The following CDH13 variants were observed in gnomAD, a reference collection of about 807,000 sequenced individuals.
The protein encoded by CDH13 is cadherin-13.
CDH13 carries 24 observed loss-of-function variants against 63.8 expected under a neutral mutation model. The observed-to-expected ratio is 0.38, with a 90% CI of 0.27 to 0.53. CDH13 has a LOEUF of 0.53. Among genes scored for constraint, CDH13 ranks in the 20% least tolerant of loss-of-function variants. CDH13 has a pLI of 0.85. For missense variants in CDH13, 1,049 were observed against 903.1 expected, an observed-to-expected ratio of 1.16 and a Z score of -2.07; for synonymous variants, 503 against 355.3, an observed-to-expected ratio of 1.42 and a Z score of -4.67.
intron 10 of CDH13, among the ~76,000 whole-genome samples, chr16:83,711,407 A>G (rs939759993): frequency 6.6e-6 from 1 of 152,130 alleles, no homozygotes; most frequent in Non-Finnish European, 1.5e-5. Context: ...ATCTTAGTGT[A>G]ATCAGTCAAT....
intron 1 of CDH13, among the ~76,000 whole-genome samples, chr16:82,782,367 C>T (rs1187284183): frequency 6.6e-6 from 1 of 152,128 alleles, no homozygotes; most frequent in Non-Finnish European, 1.5e-5. Flanking sequence ...GGAGACCAGC[C>T]TGGCCAACAT....
At chr16:82,964,931 A>G (rs1326218227) in intron 2 of CDH13, among the ~76,000 whole-genome samples, 1 of 152,206 alleles carries the variant, frequency 6.6e-6, no homozygotes, top group Non-Finnish European at 1.5e-5. Flanking sequence ...AGGGGCCAGA[A>G]GTCCTTCTTG....
chr16:83,032,199 A>T lies in CDH13; in HGVS notation c.347A>T (p.Asp116Val). 6.2e-7 allele frequency: 1 copy of T among 1,613,560 alleles called. No individual in the cohort carries two copies. Among genetic ancestry groups the T allele is most frequent in the African/African-American group, 1.3e-5 (1 of 75,046 alleles). Residue 116 changes from aspartate (D) to valine (V), a missense_variant, in exon 3 of 14, where the codon GAC becomes GTC. Asp to Val is a radical substitution (Grantham distance 152, BLOSUM62 -3). Coordinates refer to ENST00000567109, the MANE Select transcript of CDH13 (RefSeq NM_001257.5). The stretch of plus-strand genomic sequence containing the variant: ...GAACTCGTGATTGTCGGGGGGAAAG[A>T]CATCCAGGGCTCCTTGCAGGTAACA... ...MAELVIVGGK[D>V]IQGSLQDIFK... is the part of the protein sequence containing the mutation.
intron 1 of CDH13, among the ~76,000 whole-genome samples, chr16:82,718,373 C>G (rs2032530801): frequency 6.6e-6 from 1 of 152,136 alleles, no homozygotes; most frequent in Admixed American, 6.5e-5. Flanking sequence ...ATGGGATTCA[C>G]CGCTGACAGC....
rs1904305877 is a variant in CDH13, at chr16:83,799,767, T to C, written c.*4737T>C. On this transcript the variant is annotated 3_prime_UTR_variant, in exon 14 of 14. Coordinates refer to ENST00000567109, the MANE Select transcript of CDH13 (RefSeq NM_001257.5). ...CTAACACAATTAACAATTCTTTTACTATATGCAATGTGTTACCCTTACTAT... is the reference window on the plus strand; with the variant it reads ...CTAACACAATTAACAATTCTTTTACCATATGCAATGTGTTACCCTTACTAT... 6.6e-6 allele frequency: 1 copy of C among 152,238 alleles called. No homozygotes were observed. The highest frequency in any genetic ancestry group is 6.5e-5 in the Admixed American group (1 of 15,290). The allele number at this position is 152,238 out of a possible 1,614,324, so 9.4% of individuals were successfully genotyped here. A position where few individuals can be genotyped will look rare whatever the true frequency, so the allele number is the denominator to read the frequency against.
At chr16:82,710,552 A>AAATATATATATATATATATAT (rs60196638) in intron 1 of CDH13, among the ~76,000 whole-genome samples, 3 of 63,774 alleles carry the variant, frequency 4.7e-5, no homozygotes, top group Non-Finnish European at 9.0e-5. Context: ...AAAAAAAAAA[A>AAATATATATATATATATATAT]ATATATATAT....
At chr16:82,904,803 C>T (rs2041588871) in intron 2 of CDH13, among the ~76,000 whole-genome samples, 1 of 152,150 alleles carries the variant, frequency 6.6e-6, no homozygotes, top group South Asian at 2.1e-4. Flanking sequence ...GACTAGCAGA[C>T]CATTACTCCA....
At chr16:83,676,466 C>T (rs1914963555) in intron 9 of CDH13, among the ~76,000 whole-genome samples, 2 of 152,208 alleles carry the variant, frequency 1.3e-5, no homozygotes, top group African/African-American at 4.8e-5. Context: ...ATTTTCCAAG[C>T]ATGGCAGCTC....
chr16:83,328,202 T>C (rs1259234570), intron 5 of CDH13, among the ~76,000 whole-genome samples: 1 of 151,684 alleles, frequency 6.6e-6, no homozygotes. Context: ...TGAGCTAGGG[T>C]TGTAAGAATG....
At chr16:82,955,609 C>T (rs561293903) in intron 2 of CDH13, among the ~76,000 whole-genome samples, 2 of 152,118 alleles carry the variant, frequency 1.3e-5, no homozygotes, top group Admixed American at 6.5e-5. Context: ...TTATTTGGCA[C>T]CTACTGTGAA....
chr16:82,973,959 G>A (rs1909139792), intron 2 of CDH13, among the ~76,000 whole-genome samples: 1 of 152,008 alleles, frequency 6.6e-6, no homozygotes, highest in South Asian at 2.1e-4. Flanking sequence ...GTTACCCACT[G>A]TTGTCCAGGC....
chr16:83,426,918 T>C (rs2071924920), intron 6 of CDH13, among the ~76,000 whole-genome samples: 3 of 87,884 alleles, frequency 3.4e-5, no homozygotes, highest in African/African-American at 9.1e-5. Flanking sequence ...TTTTTTTTTT[T>C]TTTTTTTTTT....
chr16:82,844,947 A>G (rs1033116204), intron 1 of CDH13, among the ~76,000 whole-genome samples: 1 of 151,886 alleles, frequency 6.6e-6, no homozygotes, highest in Non-Finnish European at 1.5e-5. Context: ...GAGGCACCGC[A>G]CCTGGCCAAT....
rs188515922 is a variant in CDH13, at chr16:83,104,106, G to A, written c.367-21279G>A. ...TTTTAAAGAAGAATGAGTATTACAC[G>A]ACCATTGAATATTTATAACACTCTC... On this transcript the variant is annotated intron_variant, in intron 3 of 13. Transcript: ENST00000567109. Among the ~76,000 whole-genome samples the A allele has an allele frequency of 2.6e-5, 4 of 152,242 alleles. No individual in the cohort carries two copies. In the East Asian group the frequency reaches 5.8e-4, roughly 22 times the overall value.
At chr16:83,174,595 C>T (rs567447871) in intron 4 of CDH13, among the ~76,000 whole-genome samples, 4 of 152,038 alleles carry the variant, frequency 2.6e-5, no homozygotes, top group African/African-American at 7.2e-5. Flanking sequence ...TAGCCACTAG[C>T]CACCTGTGGT....
At chr16:83,702,635 G>A (rs775434241) in intron 10 of CDH13, among the ~76,000 whole-genome samples, 2 of 152,214 alleles carry the variant, frequency 1.3e-5, no homozygotes, top group Non-Finnish European at 2.9e-5. Flanking sequence ...CCACAGGAGT[G>A]CTTCTCATCT....
At chr16:83,457,506 C>G (rs1040558840) in intron 6 of CDH13, among the ~76,000 whole-genome samples, 3 of 152,100 alleles carry the variant, frequency 2.0e-5, no homozygotes, top group Non-Finnish European at 4.4e-5. Context: ...GCCACCCAGC[C>G]CCAGCTTCAG....
intron 1 of CDH13, among the ~76,000 whole-genome samples, chr16:82,776,688 C>T (rs933362899): frequency 2.0e-5 from 3 of 152,138 alleles, no homozygotes; most frequent in Admixed American, 6.5e-5. Context: ...ACTGTGGGTT[C>T]GGTTTTCTCT....
At chr16:83,206,905 C>T (rs887394553) in intron 4 of CDH13, among the ~76,000 whole-genome samples, 8 of 3,434 alleles carry the variant, frequency 2.3e-3, no homozygotes, top group Admixed American at 0.011. Context: ...GCATTCAAAC[C>T]ACAGTAGGTT....
Sources: allele counts gnomAD v4.1 joint callset (sites outside exome capture counted in the v4.1 genomes callset), GRCh38; gene constraint gnomAD v4.1.1; transcripts MANE v1.5; gene names NCBI Gene and HGNC (gene_info 2026-07-23, HGNC 2026-07-21).